The following DACH1 variants were observed in gnomAD, a reference collection of about 807,000 sequenced individuals.
DACH1 encodes dachshund homolog 1.
Under a neutral mutation model 54.2 loss-of-function variants are expected in DACH1, and 12 were observed. The observed-to-expected ratio is 0.22, with a 90% CI of 0.14 to 0.36. The LOEUF (loss-of-function observed/expected upper bound fraction) is 0.36. Among genes scored for constraint, DACH1 ranks in the 10% least tolerant of loss-of-function variants. The pLI, the probability that DACH1 is intolerant of heterozygous loss-of-function variation, is 1.00. For synonymous variants in DACH1, 386 were observed against 366.2 expected (o/e 1.05, Z -0.62); for missense variants, 805 against 929.8 (o/e 0.87, Z 1.75).
chr13:71,650,295 CACAG>C (rs1003370316), intron 2 of DACH1, among the ~76,000 whole-genome samples: 3 of 152,158 alleles, frequency 2.0e-5, no homozygotes, highest in African/African-American at 7.2e-5. Context: ...AGTTTTGTTA[CACAG>C]ACAATTTCTA....
At chr13:71,851,229 G>C (rs1873638149) in intron 1 of DACH1, among the ~76,000 whole-genome samples, 2 of 152,138 alleles carry the variant, frequency 1.3e-5, no homozygotes, top group African/African-American at 4.8e-5. Context: ...AAGGCAAGTA[G>C]CTTCTCCTGA....
intron 1 of DACH1, among the ~76,000 whole-genome samples, chr13:71,744,662 C>T (rs1482857867): frequency 6.6e-6 from 1 of 152,168 alleles, no homozygotes; most frequent in Non-Finnish European, 1.5e-5. Context: ...AACAACTATC[C>T]TGGAAGAATA....
chr13:71,564,723 T>A (rs1884801381), intron 4 of DACH1, among the ~76,000 whole-genome samples: 1 of 152,140 alleles, frequency 6.6e-6, no homozygotes, highest in Non-Finnish European at 1.5e-5. Context: ...ACCTTAAAAA[T>A]GTATTATATT....
intron 3 of DACH1, among the ~76,000 whole-genome samples, chr13:71,621,267 C>T (rs1048159083): frequency 2.0e-5 from 3 of 151,900 alleles, no homozygotes; most frequent in African/African-American, 7.3e-5. Flanking sequence ...ATCCTGCATC[C>T]CCACATATCA....
intron 1 of DACH1, among the ~76,000 whole-genome samples, chr13:71,812,706 T>C (rs1474376980): frequency 1.3e-5 from 2 of 152,306 alleles, no homozygotes; most frequent in South Asian, 4.1e-4. Flanking sequence ...CTCAAATATA[T>C]GCTATTATTT....
chr13:71,792,773 G>A (rs1886886753), intron 1 of DACH1, among the ~76,000 whole-genome samples: 1 of 152,118 alleles, frequency 6.6e-6, no homozygotes, highest in South Asian at 2.1e-4. Context: ...TAGACACTAA[G>A]TTCTTTGCTC....
intron 1 of DACH1, among the ~76,000 whole-genome samples, chr13:71,860,773 A>G (rs1874299816): frequency 6.6e-6 from 1 of 152,012 alleles, no homozygotes; most frequent in African/African-American, 2.4e-5. Context: ...AATTGTATGA[A>G]GCAATTTAGT....
At chr13:71,601,323 A>C (rs1874477884) in intron 3 of DACH1, among the ~76,000 whole-genome samples, 1 of 152,072 alleles carries the variant, frequency 6.6e-6, no homozygotes, top group Non-Finnish European at 1.5e-5. Context: ...TATATGAAAA[A>C]TATACTCTTA....
chr13:71,576,886 T>C (rs772748564), intron 3 of DACH1, among the ~76,000 whole-genome samples: 10 of 152,138 alleles, frequency 6.6e-5, no homozygotes, highest in African/African-American at 2.4e-4. Flanking sequence ...TTCTGGGTAA[T>C]AAGATAAATG....
At chr13:71,743,566 T>C (rs1244613230) in intron 1 of DACH1, among the ~76,000 whole-genome samples, 1 of 152,190 alleles carries the variant, frequency 6.6e-6, no homozygotes, top group African/African-American at 2.4e-5. Context: ...CTTGCTAAAG[T>C]CTCTTGAACT....
intron 1 of DACH1, among the ~76,000 whole-genome samples, chr13:71,770,042 G>T (rs1163430799): frequency 6.6e-6 from 1 of 151,552 alleles, no homozygotes; most frequent in Non-Finnish European, 1.5e-5. Flanking sequence ...AATACTTTTA[G>T]TACAGCTTTA....
chr13:71,550,957 T>C lies in DACH1; in HGVS notation c.1570+6067A>G, dbSNP rs149859186. ...GTTGCGTGTTAGAGAATTTTACAAG[T>C]GAAAATACTCATGGCCCTATAATAT... On this transcript the variant is annotated intron_variant, in intron 6 of 10. Transcript: ENST00000613252. Among the ~76,000 whole-genome samples the C allele has an allele frequency of 4.3e-3, 657 of 152,168 alleles. 4 individuals are homozygous for C. Among genetic ancestry groups the C allele is most frequent in the African/African-American group, 0.015 (635 of 41,526 alleles).
At chr13:71,758,428 A>G (rs1216030662) in intron 1 of DACH1, among the ~76,000 whole-genome samples, 1 of 152,354 alleles carries the variant, frequency 6.6e-6, no homozygotes, top group East Asian at 1.9e-4. Flanking sequence ...TTCAAAGTAA[A>G]TAAATGTTTT....
chr13:71,495,433 T>C (rs1161055595), intron 6 of DACH1, among the ~76,000 whole-genome samples: 2 of 152,082 alleles, frequency 1.3e-5, no homozygotes, highest in African/African-American at 2.4e-5. Context: ...CATTTATAAG[T>C]GTTTTGGCAA....
intron 1 of DACH1, among the ~76,000 whole-genome samples, chr13:71,683,665 T>C (rs1272681172): frequency 1.3e-5 from 2 of 152,078 alleles, no homozygotes; most frequent in Admixed American, 6.6e-5. Context: ...AGCTACTTCC[T>C]CTTATTATTA....
Position 71,554,873 on chromosome 13 carries a change from C to A in DACH1, c.1570+2151G>T, listed in dbSNP as rs181862673. On this transcript the variant is annotated intron_variant, in intron 6 of 10. Transcript: ENST00000613252. Reference sequence around the variant, plus strand: ...AATAAATAAGTAGAGAGATTGAAATCTTGACATATGAAAAAGGAATAGTTA... The same window carrying A: ...AATAAATAAGTAGAGAGATTGAAATATTGACATATGAAAAAGGAATAGTTA... Among the ~76,000 whole-genome samples the A allele has an allele frequency of 5.3e-5, 8 of 152,200 alleles. No individual in the cohort carries two copies. In the East Asian group the frequency reaches 1.5e-3, roughly 29 times the overall value.
intron 10 of DACH1, among the ~76,000 whole-genome samples, chr13:71,452,590 A>T (rs975655911): frequency 6.6e-6 from 1 of 152,174 alleles, no homozygotes; most frequent in Non-Finnish European, 1.5e-5. Flanking sequence ...TGTTCTCATG[A>T]TAAGTATTTT....
chr13:71,636,362 T>G (rs1205836191), intron 2 of DACH1, among the ~76,000 whole-genome samples: 2 of 152,106 alleles, frequency 1.3e-5, no homozygotes, highest in African/African-American at 4.8e-5. Flanking sequence ...GGAGAAACTT[T>G]AATGCATATT....
intron 3 of DACH1, among the ~76,000 whole-genome samples, chr13:71,623,063 G>A (rs1876362942): frequency 6.6e-6 from 1 of 151,704 alleles, no homozygotes; most frequent in Non-Finnish European, 1.5e-5. Flanking sequence ...ACTAGTACAT[G>A]TTATAAATCA....
Sources: gnomAD v4.1 joint callset for allele counts (sites outside exome capture counted in the v4.1 genomes callset) on GRCh38, gnomAD v4.1.1 for gene constraint, MANE v1.5 for transcripts, NCBI Gene and HGNC (gene_info 2026-07-23, HGNC 2026-07-21) for gene names.